Variants in SLMAP observed in about 807,000 individuals in gnomAD.
The protein encoded by SLMAP is sarcolemma associated protein, also known as sarcolemmal membrane-associated protein.
SLMAP carries 44 observed loss-of-function variants against 128.8 expected under a neutral mutation model. The ratio of observed to expected loss-of-function variants is 0.34; its 90% CI spans 0.27 to 0.44. SLMAP has a LOEUF of 0.44. Among genes scored for constraint, SLMAP ranks in the 20% least tolerant of loss-of-function variants. The pLI, the probability that SLMAP is intolerant of heterozygous loss-of-function variation, is 1.00. For synonymous variants in SLMAP, 327 were observed against 348.8 expected (o/e 0.94, Z 0.70); for missense variants, 787 against 985.3 (o/e 0.80, Z 2.69).
At chr3:57,789,351 G>T (rs1271031992) in intron 2 of SLMAP, among the ~76,000 whole-genome samples, 1 of 152,130 alleles carries the variant, frequency 6.6e-6, no homozygotes, top group Non-Finnish European at 1.5e-5. Flanking sequence ...CCAAGGATCA[G>T]TGTGAGGGTA....
At chr3:57,781,262 A>G (rs1271819517) in intron 2 of SLMAP, among the ~76,000 whole-genome samples, 2 of 151,934 alleles carry the variant, frequency 1.3e-5, no homozygotes, top group African/African-American at 4.8e-5. Flanking sequence ...TTAAATTCCA[A>G]AGGTTTCTTA....
rs1465993388 is a variant in SLMAP, at chr3:57,909,742, A to C, written c.1699+592A>C. 3.3e-5 allele frequency among the ~76,000 whole-genome samples: 5 copies of C among 151,796 alleles called. No individual in the cohort carries two copies. The South Asian group carries it at 1.0e-3, about 31-fold the overall frequency. On this transcript the variant is annotated intron_variant, in intron 19 of 24. Coordinates refer to ENST00000671191, the MANE Select transcript of SLMAP (RefSeq NM_001377540.1). ...ATTCTCCTGCCTCAGCCTCCTGAGT[A>C]GCTGGGATTACAGGCATGCGCCACC...
At chr3:57,815,332 T>TACC (rs2091708519) in intron 2 of SLMAP, among the ~76,000 whole-genome samples, 1 of 152,164 alleles carries the variant, frequency 6.6e-6, no homozygotes, top group African/African-American at 2.4e-5. Flanking sequence ...CAACTATGGA[T>TACC]AAGGGACCCC....
intron 17 of SLMAP, chr3:57,898,050 A>C (rs2096281415): frequency 6.6e-6 from 1 of 152,172 alleles, no homozygotes; most frequent in Non-Finnish European, 1.5e-5. Context: ...CAGCCTGTGG[A>C]AATTTCTCTT....
intron 17 of SLMAP, among the ~76,000 whole-genome samples, chr3:57,906,671 AAAAATATATAT>A (rs1385004052): frequency 1.1e-4 from 3 of 27,814 alleles, no homozygotes; most frequent in African/African-American, 2.4e-4. Context: ...AATATGAAAA[AAAAATATATAT>A]ATATATATAT....
At chr3:57,790,275 A>G (rs1041570715) in intron 2 of SLMAP, among the ~76,000 whole-genome samples, 7 of 152,226 alleles carry the variant, frequency 4.6e-5, no homozygotes, top group Admixed American at 6.5e-5. Flanking sequence ...AGCTCTTACT[A>G]TGTCCAAAGC....
chr3:57,898,496 T>G (rs2096292401), intron 17 of SLMAP: 1 of 152,204 alleles, frequency 6.6e-6, no homozygotes, highest in Non-Finnish European at 1.5e-5. Flanking sequence ...ATAGGGTACA[T>G]GAGCTGTTTT....
At position 57,929,800 on chromosome 3, in the gene SLMAP, A is replaced by G. The variant is rs1439026737; in HGVS notation, c.*2511A>G. Among the ~76,000 whole-genome samples, 1 of 152,190 alleles carries G rather than the reference A, an allele frequency of 6.6e-6. No individual in the cohort carries two copies. The highest frequency in any genetic ancestry group is 1.5e-5 in the Non-Finnish European group (1 of 68,030). On this transcript the variant is annotated 3_prime_UTR_variant, in exon 25 of 25. Transcript: ENST00000671191. ...CAAATCACATTTTCTCTGAGTCTCCATTTTCTCATTTATAACATGCGGAGA... is the reference window on the plus strand; with the variant it reads ...CAAATCACATTTTCTCTGAGTCTCCGTTTTCTCATTTATAACATGCGGAGA...
At chr3:57,871,078 A>G (rs1387055185) in intron 13 of SLMAP, among the ~76,000 whole-genome samples, 1 of 152,240 alleles carries the variant, frequency 6.6e-6, no homozygotes, top group Non-Finnish European at 1.5e-5. Context: ...TCATTTGGGC[A>G]GAGATAAACA....
At chr3:57,888,988 C>G (rs1222506427) in intron 14 of SLMAP, among the ~76,000 whole-genome samples, 3 of 151,962 alleles carry the variant, frequency 2.0e-5, no homozygotes, top group Admixed American at 2.0e-4. Context: ...GGGTTCACAC[C>G]ATTCTCCTGC....
At chr3:57,920,573 T>G (rs1179988264) in intron 22 of SLMAP, among the ~76,000 whole-genome samples, 1 of 152,210 alleles carries the variant, frequency 6.6e-6, no homozygotes, top group Admixed American at 6.5e-5. Flanking sequence ...TTGAAGAATT[T>G]CTAGGATATA....
intron 2 of SLMAP, among the ~76,000 whole-genome samples, chr3:57,781,923 G>A (rs1277505920): frequency 2.0e-5 from 3 of 151,738 alleles, no homozygotes; most frequent in African/African-American, 7.3e-5. Flanking sequence ...AACTAGATGC[G>A]GGGTTTCACC....
Position 57,831,373 on chromosome 3 carries a change from T to G in SLMAP, c.199-10T>G, listed in dbSNP as rs775477583. 1.4e-6 allele frequency: 2 copies of G among 1,472,554 alleles called. No homozygotes were observed. Among genetic ancestry groups the G allele is most frequent in the South Asian group, 2.8e-5 (2 of 71,926 alleles). The allele number at this position is 1,472,554 out of a possible 1,614,324, so 91.2% of individuals were successfully genotyped here. On this transcript the variant is annotated splice_polypyrimidine_tract_variant and intron_variant, in intron 2 of 24. Coordinates refer to ENST00000671191, the MANE Select transcript of SLMAP (RefSeq NM_001377540.1). The stretch of plus-strand genomic sequence containing the variant: ...ATTTGGCCCTTTTTTGTTTTTGTTT[T>G]TTTTTGCAGTTTTATCTTCAAGACA...
chr3:57,824,661 A>T (rs554633460), intron 2 of SLMAP, among the ~76,000 whole-genome samples: 1 of 152,258 alleles, frequency 6.6e-6, no homozygotes, highest in South Asian at 2.1e-4. Flanking sequence ...CCTCTGTAGT[A>T]AGTTTTGAAT....
intron 2 of SLMAP, among the ~76,000 whole-genome samples, chr3:57,767,176 C>T (rs578057368): frequency 7.2e-5 from 11 of 152,286 alleles, no homozygotes; most frequent in African/African-American, 2.4e-4. Context: ...GCCTCAGCCT[C>T]CCAAAGTGCT....
chr3:57,896,969 G>T, intron 17 of SLMAP, 37 bp downstream of exon 17: 1 of 1,611,418 alleles, frequency 6.2e-7, no homozygotes, highest in Non-Finnish European at 8.5e-7. Flanking sequence ...GTAAACCAGG[G>T]TATCAAATCA....
chr3:57,764,623 A>G (rs1559902260), intron 2 of SLMAP, among the ~76,000 whole-genome samples: 2 of 152,188 alleles, frequency 1.3e-5, no homozygotes, highest in East Asian at 1.9e-4. Context: ...TGTACTAACT[A>G]TATACTGGGC....
chr3:57,896,460 TATAAG>T (rs1559480311), intron 15 of SLMAP, 46 bp from the exon 16 acceptor site: 2 of 1,522,860 alleles, frequency 1.3e-6, no homozygotes, highest in Non-Finnish European at 1.8e-6. Context: ...GTTTTATTGA[TATAAG>T]ATATTTAACT....
intron 2 of SLMAP, among the ~76,000 whole-genome samples, chr3:57,787,039 A>G (rs1206296006): frequency 1.3e-5 from 2 of 152,016 alleles, no homozygotes; most frequent in Non-Finnish European, 2.9e-5. Flanking sequence ...CCCTGCCGAA[A>G]ATTATGTAGT....
Sources: gnomAD v4.1 joint callset for allele counts (sites outside exome capture counted in the v4.1 genomes callset) on GRCh38, gnomAD v4.1.1 for gene constraint, MANE v1.5 for transcripts, NCBI Gene and HGNC (gene_info 2026-07-23, HGNC 2026-07-21) for gene names.